Variants in CDK19 observed in about 807,000 individuals in gnomAD.
CDK19 encodes the protein cyclin dependent kinase 19, also known as cyclin-dependent kinase 19.
Under a neutral mutation model 68.3 loss-of-function variants are expected in CDK19, and 20 were observed. The observed-to-expected ratio is 0.29, with a 90% CI of 0.21 to 0.43. The LOEUF (loss-of-function observed/expected upper bound fraction) is 0.43, where lower values mean the gene tolerates loss of function less well. Among genes scored for constraint, CDK19 ranks in the 20% least tolerant of loss-of-function variants. The pLI, the probability that CDK19 is intolerant of heterozygous loss-of-function variation, is 1.00. For synonymous variants in CDK19, 221 were observed against 222.8 expected, an observed-to-expected ratio of 0.99 and a Z score of 0.07; for missense variants, 339 against 623.5, an observed-to-expected ratio of 0.54 and a Z score of 4.86.
chr6:110,752,473 T>C (rs773473425), intron 1 of CDK19, among the ~76,000 whole-genome samples: 1 of 152,204 alleles, frequency 6.6e-6, no homozygotes, highest in Non-Finnish European at 1.5e-5. Flanking sequence ...GCTATTATTT[T>C]GTTTTCTTCT....
intron 4 of CDK19, chr6:110,645,984 G>A (rs1244310174): frequency 3.4e-6 from 4 of 1,164,330 alleles, no homozygotes; most frequent in Non-Finnish European, 3.7e-6. Context: ...CATGCAGCGC[G>A]TCTTCAAGTA....
chr6:110,732,850 T>A (rs1414679231), intron 2 of CDK19, among the ~76,000 whole-genome samples: 4 of 152,084 alleles, frequency 2.6e-5, no homozygotes, highest in African/African-American at 9.7e-5. Context: ...GCGGATCACT[T>A]GAGGTCAGGA....
chr6:110,732,218 G>A (rs535292854), intron 2 of CDK19, among the ~76,000 whole-genome samples: 1 of 152,152 alleles, frequency 6.6e-6, no homozygotes, highest in Admixed American at 6.6e-5. Context: ...AGGTAGGGCC[G>A]GGCATGGTAG....
At chr6:110,771,137 C>A (rs562065949) in intron 1 of CDK19, among the ~76,000 whole-genome samples, 37 of 152,314 alleles carry the variant, frequency 2.4e-4, no homozygotes, top group Middle Eastern at 3.4e-3. Context: ...CACAGCTCCA[C>A]TAGCCTGTGC....
intron 2 of CDK19, among the ~76,000 whole-genome samples, chr6:110,689,296 C>G (rs150266617): frequency 5.3e-4 from 80 of 152,224 alleles, no homozygotes; most frequent in Non-Finnish European, 1.3e-4. Context: ...ACTGAGCCCC[C>G]ACCTGGCTTT....
At chr6:110,703,206 G>A (rs1774155512) in intron 2 of CDK19, among the ~76,000 whole-genome samples, 1 of 151,954 alleles carries the variant, frequency 6.6e-6, no homozygotes, top group Admixed American at 6.6e-5. Flanking sequence ...GAAAATAATT[G>A]AAAACACCAG....
At chr6:110,716,487 C>G (rs1392968341) in intron 2 of CDK19, among the ~76,000 whole-genome samples, 1 of 152,058 alleles carries the variant, frequency 6.6e-6, no homozygotes, top group Non-Finnish European at 1.5e-5. Context: ...CCAGGTGATG[C>G]TGGTGCTGAG....
At chr6:110,719,972 G>GCCCCCCCCCCCCCCCCCCCCCCCCCCCCC (rs1167384607) in intron 2 of CDK19, among the ~76,000 whole-genome samples, 4 of 45,522 alleles carry the variant, frequency 8.8e-5, no homozygotes, top group Admixed American at 3.2e-4. Flanking sequence ...CTTGTGATCC[G>GCCCCCCCCCCCCCCCCCCCCCCCCCCCCC]CCCCCCCCCC....
chr6:110,719,601 G>C (rs1472691837), intron 2 of CDK19, among the ~76,000 whole-genome samples: 1 of 152,104 alleles, frequency 6.6e-6, no homozygotes, highest in East Asian at 1.9e-4. Flanking sequence ...ATGTAAAAAA[G>C]ATGCTTAGAC....
At chr6:110,814,730 TC>T (rs1359776869) in intron 1 of CDK19, 3 of 603,712 alleles carry the variant, frequency 5.0e-6, no homozygotes, top group Non-Finnish European at 9.3e-6. Flanking sequence ...CCAACTCGAG[TC>T]CCCCCGCCGT....
At chr6:110,688,145 G>T (rs1367959565) in intron 2 of CDK19, among the ~76,000 whole-genome samples, 1 of 152,034 alleles carries the variant, frequency 6.6e-6, no homozygotes, top group African/African-American at 2.4e-5. Context: ...CAGCACTTTG[G>T]GAGGCCAAGG....
chr6:110,664,578 A>G (rs1781805944), intron 4 of CDK19, among the ~76,000 whole-genome samples: 1 of 152,174 alleles, frequency 6.6e-6, no homozygotes. Context: ...TGATCCCCAA[A>G]ATGTCAGTAC....
chr6:110,705,787 A>G (rs1264117421), intron 2 of CDK19, among the ~76,000 whole-genome samples: 2 of 152,120 alleles, frequency 1.3e-5, no homozygotes, highest in Admixed American at 1.3e-4. Flanking sequence ...TCCCACTCAT[A>G]AGTGAGAGTT....
At chr6:110,747,966 C>G (rs1039067823) in intron 1 of CDK19, among the ~76,000 whole-genome samples, 1 of 152,018 alleles carries the variant, frequency 6.6e-6, no homozygotes, top group East Asian at 1.9e-4. Context: ...ACAATGCTTA[C>G]GATGTAAATT....
intron 1 of CDK19, among the ~76,000 whole-genome samples, chr6:110,763,565 G>C (rs927520722): frequency 6.6e-6 from 1 of 151,940 alleles, no homozygotes; most frequent in Non-Finnish European, 1.5e-5. Context: ...ACAGGCATAA[G>C]CCACCACACC....
At chr6:110,758,548 T>A (rs2114938153) in intron 1 of CDK19, among the ~76,000 whole-genome samples, 1 of 152,314 alleles carries the variant, frequency 6.6e-6, no homozygotes, top group Admixed American at 6.5e-5. Flanking sequence ...TTGCAAACAG[T>A]AGGAACTAAA....
At chr6:110,721,687 C>A (rs143524731) in intron 2 of CDK19, among the ~76,000 whole-genome samples, 1 of 152,104 alleles carries the variant, frequency 6.6e-6, no homozygotes, top group Admixed American at 6.6e-5. Context: ...AAGATCAGGC[C>A]GGGCATGGCA....
At chr6:110,687,173 AGAG>A (rs1283751076) in intron 2 of CDK19, among the ~76,000 whole-genome samples, 2 of 152,222 alleles carry the variant, frequency 1.3e-5, no homozygotes, top group African/African-American at 2.4e-5. Context: ...ATCTGAAGGG[AGAG>A]GAGGAGGTCA....
chr6:110,774,872 C>A (rs1463613120), intron 1 of CDK19, among the ~76,000 whole-genome samples: 2 of 151,994 alleles, frequency 1.3e-5, no homozygotes, highest in African/African-American at 4.8e-5. Flanking sequence ...TCACCTGAGT[C>A]CAGGAGGTTG....
Sources: gnomAD v4.1 joint callset for allele counts (sites outside exome capture counted in the v4.1 genomes callset) on GRCh38, gnomAD v4.1.1 for gene constraint, MANE v1.5 for transcripts, NCBI Gene and HGNC (gene_info 2026-07-23, HGNC 2026-07-21) for gene names.